AUTS2: variants seen among roughly 807,000 people sequenced by gnomAD.
AUTS2 encodes autism susceptibility gene 2 protein.
In AUTS2, 17 loss-of-function variants were observed where a neutral mutation model predicts 112.4. The ratio of observed to expected loss-of-function variants is 0.15; its 90% CI spans 0.10 to 0.23. The LOEUF is 0.23. Ranked by LOEUF, AUTS2 falls within the 10% of genes least tolerant of loss-of-function variation. The pLI is 1.00. For synonymous variants in AUTS2, 751 were observed against 702.7 expected, an observed-to-expected ratio of 1.07 and a Z score of -1.09; for missense variants, 1,510 against 1,701.6, an observed-to-expected ratio of 0.89 and a Z score of 1.98.
chr7:69,606,824 A>G (rs1210017830), intron 1 of AUTS2, among the ~76,000 whole-genome samples: 1 of 152,248 alleles, frequency 6.6e-6, no homozygotes, highest in African/African-American at 2.4e-5. Flanking sequence ...TTTCTCTTAT[A>G]TAATCAGAAC....
At chr7:69,638,208 G>T (rs991467473) in intron 1 of AUTS2, among the ~76,000 whole-genome samples, 2 of 152,122 alleles carry the variant, frequency 1.3e-5, no homozygotes, top group African/African-American at 4.8e-5. Context: ...GTAGAGACAA[G>T]GTCTTGCTTT....
intron 1 of AUTS2, among the ~76,000 whole-genome samples, chr7:69,693,217 C>G (rs1797420993): frequency 1.3e-5 from 2 of 152,194 alleles, no homozygotes; most frequent in Non-Finnish European, 2.9e-5. Context: ...GTTGTGGAGA[C>G]TTGAGCAACA....
chr7:69,840,695 C>CAG (rs1455108567), intron 1 of AUTS2, among the ~76,000 whole-genome samples: 1 of 152,168 alleles, frequency 6.6e-6, no homozygotes. Flanking sequence ...AAGAGACAGA[C>CAG]AGACACTCTG....
chr7:69,850,987 A>T (rs1420131504), intron 1 of AUTS2, among the ~76,000 whole-genome samples: 1 of 152,230 alleles, frequency 6.6e-6, no homozygotes, highest in African/African-American at 2.4e-5. Context: ...TACATTTTAC[A>T]TTTAAATGTA....
At chr7:70,548,455 T>C (rs1355697679) in intron 5 of AUTS2, among the ~76,000 whole-genome samples, 2 of 152,170 alleles carry the variant, frequency 1.3e-5, no homozygotes, top group African/African-American at 4.8e-5. Context: ...TTTTTATGGA[T>C]CATACTTTTG....
chr7:70,458,726 T>C (rs1298753147), intron 5 of AUTS2, among the ~76,000 whole-genome samples: 1 of 152,166 alleles, frequency 6.6e-6, no homozygotes, highest in Non-Finnish European at 1.5e-5. Context: ...GACCATACTT[T>C]AGGAATAAAC....
chr7:70,059,714 T>G (rs758040063), intron 2 of AUTS2, among the ~76,000 whole-genome samples: 9 of 152,218 alleles, frequency 5.9e-5, no homozygotes, highest in Non-Finnish European at 1.3e-4. Flanking sequence ...TCATGGTAAA[T>G]GTAGGAACAC....
At chr7:70,769,238 C>T (rs747497879) in intron 10 of AUTS2, among the ~76,000 whole-genome samples, 11 of 152,186 alleles carry the variant, frequency 7.2e-5, no homozygotes, top group Non-Finnish European at 1.0e-4. Context: ...ACATGGTCCC[C>T]GCTGTTCTGC....
chr7:70,466,581 A>C (rs1293478194), intron 5 of AUTS2, among the ~76,000 whole-genome samples: 1 of 152,236 alleles, frequency 6.6e-6, no homozygotes. Flanking sequence ...TGCGATGGTT[A>C]AGGTTTTCTT....
chr7:70,095,474 G>T (rs1804144619), intron 2 of AUTS2, among the ~76,000 whole-genome samples: 1 of 152,086 alleles, frequency 6.6e-6, no homozygotes, highest in African/African-American at 2.4e-5. Flanking sequence ...ACATTTTCAG[G>T]AGTGGTAATG....
intron 5 of AUTS2, among the ~76,000 whole-genome samples, chr7:70,517,827 T>C (rs1799480239): frequency 6.6e-6 from 1 of 152,052 alleles, no homozygotes; most frequent in South Asian, 2.1e-4. Flanking sequence ...ACATAATTTG[T>C]ATATACCCAC....
chr7:70,467,998 C>T (rs2115788310), intron 5 of AUTS2, among the ~76,000 whole-genome samples: 1 of 152,274 alleles, frequency 6.6e-6, no homozygotes, highest in East Asian at 1.9e-4. Flanking sequence ...CTGACATGTG[C>T]CGGAGAAGAC....
intron 5 of AUTS2, among the ~76,000 whole-genome samples, chr7:70,683,186 G>A (rs1171909204): frequency 1.3e-5 from 2 of 152,166 alleles, no homozygotes; most frequent in Non-Finnish European, 2.9e-5. Context: ...ATGTACCCAC[G>A]CTCTGTTGTT....
intron 4 of AUTS2, among the ~76,000 whole-genome samples, chr7:70,383,177 T>G (rs1213790699): frequency 6.6e-6 from 1 of 152,152 alleles, no homozygotes; most frequent in East Asian, 1.9e-4. Flanking sequence ...TAGCTTGTGT[T>G]CCTCCCAGTA....
At chr7:70,248,623 C>A (rs1179215601) in intron 4 of AUTS2, among the ~76,000 whole-genome samples, 1 of 151,812 alleles carries the variant, frequency 6.6e-6, no homozygotes, top group East Asian at 1.9e-4. Flanking sequence ...CTATTTTTGC[C>A]CTTTCTACAT....
chr7:69,945,704 A>G (rs1040345881), intron 2 of AUTS2, among the ~76,000 whole-genome samples: 6 of 152,282 alleles, frequency 3.9e-5, no homozygotes, highest in Middle Eastern at 3.4e-3. Context: ...CATTATTAAC[A>G]GTAATCACCG....
intron 5 of AUTS2, among the ~76,000 whole-genome samples, chr7:70,681,477 G>A (rs762312256): frequency 3.3e-5 from 5 of 151,882 alleles, no homozygotes; most frequent in Non-Finnish European, 5.9e-5. Flanking sequence ...ATCCTCTTCA[G>A]AGCACATGCA....
At chr7:69,853,013 T>C (rs1464287884) in intron 1 of AUTS2, among the ~76,000 whole-genome samples, 1 of 152,158 alleles carries the variant, frequency 6.6e-6, no homozygotes, top group Non-Finnish European at 1.5e-5. Context: ...GTATATGATT[T>C]CAGTTCTTTT....
chr7:70,195,793 C>A (rs1810140535), intron 4 of AUTS2, among the ~76,000 whole-genome samples: 1 of 152,190 alleles, frequency 6.6e-6, no homozygotes, highest in Non-Finnish European at 1.5e-5. Context: ...TCCTTCCTTT[C>A]TCTCTCAATC....
Sources: allele counts gnomAD v4.1 joint callset (sites outside exome capture counted in the v4.1 genomes callset), GRCh38; gene constraint gnomAD v4.1.1; transcripts MANE v1.5; gene names NCBI Gene and HGNC (gene_info 2026-07-23, HGNC 2026-07-21).